The following ACAD10 variants were observed in gnomAD, a reference collection of about 807,000 sequenced individuals.
ACAD10 encodes ACAD-10.
In ACAD10, 112 loss-of-function variants were observed where a neutral mutation model predicts 116.8. That is an observed-to-expected ratio of 0.96 (90% confidence interval 0.82 to 1.12). ACAD10 has a LOEUF of 1.12. ACAD10 is among the 50% of genes most tolerant of loss of function. The pLI is 0.00. For missense variants in ACAD10, 1,259 were observed against 1,350.2 expected (o/e 0.93, Z 1.06); for synonymous variants, 486 against 510.6 (o/e 0.95, Z 0.65).
At chr12:111,702,095 T>G in intron 2 of ACAD10, 67 bp from the exon 3 acceptor site, 5 of 1,523,272 alleles carry the variant, frequency 3.3e-6, no homozygotes, top group Non-Finnish European at 4.5e-6. Context: ...TATGGTAATT[T>G]TCCTGAGCTC....
At chr12:111,696,944 G>A (rs1593014610) in intron 2 of ACAD10, among the ~76,000 whole-genome samples, 1 of 152,134 alleles carries the variant, frequency 6.6e-6, no homozygotes, top group Non-Finnish European at 1.5e-5. Flanking sequence ...AGCCAGGCGT[G>A]GTGGCAGGTG....
intron 1 of ACAD10, among the ~76,000 whole-genome samples, chr12:111,691,973 T>C (rs1299413329): frequency 1.3e-5 from 2 of 151,594 alleles, no homozygotes; most frequent in African/African-American, 4.9e-5. Context: ...AAGGTGTTGT[T>C]TGTTTGTTTT....
rs911688374 is a variant in ACAD10, at chr12:111,709,624, T to A, written c.630T>A (p.Phe210Leu). The A allele has an allele frequency of 5.6e-6, 9 of 1,613,966 alleles. No homozygotes were observed. In the African/African-American group the frequency reaches 1.2e-4, roughly 22 times the overall value. The change falls in exon 5 of 21, where the codon TTT becomes TTA. Residue 210 changes from phenylalanine to leucine, a missense_variant. Physicochemically the swap from Phe to Leu is conservative, Grantham distance 22 (BLOSUM62 0). Coordinates refer to ENST00000313698, the MANE Select transcript of ACAD10 (RefSeq NM_025247.6). ...QLGLQPSESI[F>L]LDDLGTNLKE... ...GCCTGCAGCCCTCTGAGTCCATCTT[T>A]CTTGATGACCTTGGAACAAATCTAA...
At position 111,749,245 on chromosome 12, in the gene ACAD10, G is replaced by A. The variant is rs763081398; in HGVS notation, c.2717G>A (p.Gly906Asp). The change falls in exon 18 of 21, where the codon GGC becomes GAC. Residue 906 changes from glycine (G) to aspartate (D), a missense_variant. Transcript: ENST00000313698. ...AACATGGTCCTGGGCCCTGGCCGAGGCTTTGAGATCGCCCAGGGCAGACTG... is the reference window on the plus strand; with the variant it reads ...AACATGGTCCTGGGCCCTGGCCGAGACTTTGAGATCGCCCAGGGCAGACTG... ...KENMVLGPGR[G>D]FEIAQGRLGP... is the part of the protein sequence containing the mutation. 1.2e-6 allele frequency: 2 copies of A among 1,614,110 alleles called. No individual in the cohort carries two copies. The highest frequency in any genetic ancestry group is 1.7e-6 in the Non-Finnish European group (2 of 1,180,026).
At chr12:111,707,609 G>C (rs948064684) in intron 4 of ACAD10, among the ~76,000 whole-genome samples, 3 of 152,090 alleles carry the variant, frequency 2.0e-5, no homozygotes, top group African/African-American at 7.2e-5. Flanking sequence ...TGAGAGTCAT[G>C]GTAGCCTCTA....
At chr12:111,748,962 A>G (rs776208371) in intron 17 of ACAD10, 1 of 1,532,578 alleles carries the variant, frequency 6.5e-7, no homozygotes, top group East Asian at 2.3e-5. Flanking sequence ...GAATCACAGA[A>G]TAGTCATTTG....
intron 1 of ACAD10, among the ~76,000 whole-genome samples, chr12:111,687,164 C>T (rs2093410815): frequency 6.6e-6 from 1 of 152,010 alleles, no homozygotes; most frequent in Non-Finnish European, 1.5e-5. Flanking sequence ...GTACATAGTA[C>T]ATTCTAGATG....
chr12:111,715,979 A>G lies in ACAD10; in HGVS notation c.992+17A>G, dbSNP rs1593029478. The G allele has an allele frequency of 1.9e-6, 3 of 1,613,724 alleles. No homozygotes were observed. The highest frequency in any genetic ancestry group is 1.3e-5 in the African/African-American group (1 of 74,914). ...GGAGTTCAGGTAAGTTTTCAGGGCCAGGGGAGCACTTGCCCACTAGCCTCC... is the reference window on the plus strand; with the variant it reads ...GGAGTTCAGGTAAGTTTTCAGGGCCGGGGGAGCACTTGCCCACTAGCCTCC... On this transcript the variant is annotated intron_variant, in intron 7 of 20. Coordinates refer to ENST00000313698, the MANE Select transcript of ACAD10 (RefSeq NM_025247.6).
chr12:111,732,764 G>A (rs1002987349), intron 10 of ACAD10, among the ~76,000 whole-genome samples: 15 of 152,218 alleles, frequency 9.9e-5, no homozygotes, highest in Non-Finnish European at 2.1e-4. Flanking sequence ...AGAACAGCGT[G>A]GAGTCCCGGG....
At chr12:111,688,443 T>G (rs1211983898) in intron 1 of ACAD10, among the ~76,000 whole-genome samples, 1 of 152,144 alleles carries the variant, frequency 6.6e-6, no homozygotes, top group Non-Finnish European at 1.5e-5. Flanking sequence ...TATACAATGG[T>G]GTAGCATTTG....
chr12:111,692,094 G>C (rs1291616779), intron 1 of ACAD10, among the ~76,000 whole-genome samples: 1 of 152,096 alleles, frequency 6.6e-6, no homozygotes, highest in East Asian at 1.9e-4. Context: ...TCAGCCTCCT[G>C]AGTAGCTGGG....
intron 12 of ACAD10, among the ~76,000 whole-genome samples, chr12:111,741,293 A>G (rs1889734923): frequency 6.6e-6 from 1 of 152,216 alleles, no homozygotes; most frequent in Admixed American, 6.5e-5. Context: ...CTTAAACAGA[A>G]TGGCTGCTAA....
At chr12:111,755,932 A>G (rs1462279002) in intron 20 of ACAD10, 187 bp downstream of exon 20, 1 of 719,172 alleles carries the variant, frequency 1.4e-6, no homozygotes, top group Non-Finnish European at 2.3e-6. Context: ...TCGTACCCCC[A>G]TTTTGAATGT....
intron 2 of ACAD10, among the ~76,000 whole-genome samples, chr12:111,696,354 G>A (rs1361527086): frequency 6.6e-6 from 1 of 152,104 alleles, no homozygotes; most frequent in African/African-American, 2.4e-5. Flanking sequence ...TGCCTCACCT[G>A]CTGTCTGTTT....
At chr12:111,751,293 G>A (rs184419877) in intron 18 of ACAD10, among the ~76,000 whole-genome samples, 1 of 152,056 alleles carries the variant, frequency 6.6e-6, no homozygotes, top group Admixed American at 6.6e-5. Flanking sequence ...TGGAGAAATT[G>A]CTCACTATAT....
At chr12:111,695,127 A>G (rs145163127) in intron 2 of ACAD10, among the ~76,000 whole-genome samples, 100 of 152,306 alleles carry the variant, frequency 6.6e-4, no homozygotes, top group Non-Finnish European at 1.2e-3. Context: ...GATTAAGTCT[A>G]GAAGCTTTCA....
In ACAD10 at chr12:111,745,031, C is replaced by G; in HGVS notation, c.2103C>G (p.Ile701Met). The part of the protein sequence containing the change: ...SAARWSPSPL[I>M]EDLKEKAKAE... The stretch of plus-strand genomic sequence containing the variant: ...CCAGGTGGAGCCCCTCCCCACTGAT[C>G]GAAGACCTCAAGGTAAAGCAGCCAT... Residue 701 changes from isoleucine (I) to methionine (M), a missense_variant, in exon 13 of 21, where the codon ATC becomes ATG. By Grantham distance (10) the Ile-to-Met change is conservative (BLOSUM62 1). Transcript: ENST00000313698. 1 of 1,612,990 alleles carries G rather than the reference C, an allele frequency of 6.2e-7. No homozygotes were observed. The highest frequency in any genetic ancestry group is 8.5e-7 in the Non-Finnish European group (1 of 1,179,846).
At chr12:111,730,688 G>T (rs1176007450) in intron 10 of ACAD10, among the ~76,000 whole-genome samples, 2 of 151,918 alleles carry the variant, frequency 1.3e-5, no homozygotes, top group East Asian at 3.9e-4. Context: ...TTGCCCATCT[G>T]GGGACTCAGG....
intron 10 of ACAD10, among the ~76,000 whole-genome samples, chr12:111,731,769 T>C (rs1355773330): frequency 2.6e-5 from 4 of 152,156 alleles, no homozygotes; most frequent in Admixed American, 2.6e-4. Flanking sequence ...GAGCATAAAC[T>C]GCTGCAGCTA....
Sources: allele counts gnomAD v4.1 joint callset (sites outside exome capture counted in the v4.1 genomes callset), GRCh38; gene constraint gnomAD v4.1.1; transcripts MANE v1.5; gene names NCBI Gene and HGNC (gene_info 2026-07-23, HGNC 2026-07-21).